B3GALT1: variants seen among roughly 807,000 people sequenced by gnomAD.
The protein encoded by B3GALT1 is UDP-Gal:betaGlcNAc beta 1,3-galactosyltransferase, polypeptide 1.
In B3GALT1, 10 loss-of-function variants were observed where a neutral mutation model predicts 23.2. The observed-to-expected ratio is 0.43, with a 90% CI of 0.27 to 0.73. The LOEUF (loss-of-function observed/expected upper bound fraction) is 0.73, where lower values mean the gene tolerates loss of function less well. Among genes scored for constraint, B3GALT1 ranks in the 30% least tolerant of loss-of-function variants. B3GALT1 has a pLI of 0.21. For synonymous variants in B3GALT1, 156 were observed against 141.5 expected (o/e 1.10, Z -0.73); for missense variants, 299 against 405.4 (o/e 0.74, Z 2.25).
At chr2:167,775,613 A>T (rs969451761) in intron 3 of B3GALT1, among the ~76,000 whole-genome samples, 4 of 151,630 alleles carry the variant, frequency 2.6e-5, no homozygotes, top group African/African-American at 9.7e-5. Context: ...TGAAATGGTT[A>T]TGATGATATA....
At chr2:167,487,999 T>TA (rs1341807714) in intron 1 of B3GALT1, among the ~76,000 whole-genome samples, 1 of 152,138 alleles carries the variant, frequency 6.6e-6, no homozygotes, top group Non-Finnish European at 1.5e-5. Flanking sequence ...TGGACAGCTG[T>TA]ATATGTAAAA....
intron 3 of B3GALT1, among the ~76,000 whole-genome samples, chr2:167,689,922 A>G (rs1686682594): frequency 6.6e-6 from 1 of 152,188 alleles, no homozygotes; most frequent in Non-Finnish European, 1.5e-5. Flanking sequence ...ATTACTTGAT[A>G]TTGAAAAGGC....
At chr2:167,463,596 T>C (rs1275415505) in intron 1 of B3GALT1, among the ~76,000 whole-genome samples, 1 of 152,168 alleles carries the variant, frequency 6.6e-6, no homozygotes, top group Non-Finnish European at 1.5e-5. Flanking sequence ...TTCACATACC[T>C]ATATGATAAA....
At chr2:167,489,848 G>T (rs553789607) in intron 1 of B3GALT1, among the ~76,000 whole-genome samples, 1 of 152,220 alleles carries the variant, frequency 6.6e-6, no homozygotes, top group African/African-American at 2.4e-5. Context: ...AAGTGAGACC[G>T]CAGAATAAAA....
intron 2 of B3GALT1, among the ~76,000 whole-genome samples, chr2:167,594,484 T>C (rs956538836): frequency 1.3e-5 from 2 of 152,228 alleles, no homozygotes; most frequent in African/African-American, 4.8e-5. Context: ...TTATGTGGCA[T>C]GACTAAACTG....
At chr2:167,351,704 G>A (rs1374175063) in intron 1 of B3GALT1, among the ~76,000 whole-genome samples, 1 of 152,072 alleles carries the variant, frequency 6.6e-6, no homozygotes. Context: ...GAATTTAAAG[G>A]GACTGAAACA....
chr2:167,600,118 C>T (rs548160726), intron 2 of B3GALT1, among the ~76,000 whole-genome samples: 5 of 152,086 alleles, frequency 3.3e-5, no homozygotes, highest in African/African-American at 1.2e-4. Flanking sequence ...ATATAAATCC[C>T]TAAAAAGAGG....
At chr2:167,509,473 T>G (rs1254494979) in intron 2 of B3GALT1, among the ~76,000 whole-genome samples, 1 of 152,050 alleles carries the variant, frequency 6.6e-6, no homozygotes, top group Non-Finnish European at 1.5e-5. Flanking sequence ...ACTACATAGG[T>G]ATTTTAAAGG....
rs901072891 is a variant in B3GALT1 at position 167,555,805 on chromosome 2, G to A, written c.-410+65528G>A. 3.0e-4 allele frequency among the ~76,000 whole-genome samples: 45 copies of A among 152,102 alleles called. 1 individual carries two copies. The highest frequency in any genetic ancestry group is 2.9e-3 in the Admixed American group (44 of 15,262). On this transcript the variant is annotated intron_variant, in intron 2 of 4. Transcript: ENST00000392690. ...GCGTGTTAATATATCCTATTTCCTT[G>A]GGGAATGCACTAAGGATGAAAGGAG...
intron 3 of B3GALT1, among the ~76,000 whole-genome samples, chr2:167,749,081 G>A (rs541590594): frequency 6.6e-6 from 1 of 152,160 alleles, no homozygotes; most frequent in African/African-American, 2.4e-5. Flanking sequence ...GCCAAGGGTT[G>A]GCCTTAGAAC....
At chr2:167,431,986 A>G (rs1698714139) in intron 1 of B3GALT1, among the ~76,000 whole-genome samples, 1 of 152,180 alleles carries the variant, frequency 6.6e-6, no homozygotes, top group Non-Finnish European at 1.5e-5. Flanking sequence ...TGAACAAAGA[A>G]TTTACTCTTA....
chr2:167,655,158 C>T (rs1344860699), intron 3 of B3GALT1, among the ~76,000 whole-genome samples: 2 of 152,234 alleles, frequency 1.3e-5, no homozygotes, highest in East Asian at 1.9e-4. Context: ...TTGAATGCAG[C>T]ACAAATTATT....
chr2:167,869,861 G>A lies in B3GALT1; in HGVS notation c.822G>A (p.Lys274=). ...EDVYVGLCLR[K]LGIHPFQNSG... is the part of the protein sequence containing the mutation. ...TATATGTGGGACTGTGTCTTCGAAA[G>A]CTGGGCATACATCCTTTCCAGAACA... is the stretch of plus-strand genomic sequence containing the variant. The change falls in exon 5 of 5, where the codon AAG becomes AAA. Residue 274 remains lysine (K), a synonymous_variant. Transcript: ENST00000392690. This position sits in a 1 kb window ranked among gnomAD's most constrained non-coding sequence, Gnocchi z 6.4. The A allele has an allele frequency of 6.2e-7, 1 of 1,614,158 alleles. No individual in the cohort carries two copies. Among genetic ancestry groups the A allele is most frequent in the Non-Finnish European group, 8.5e-7 (1 of 1,180,032 alleles).
intron 2 of B3GALT1, among the ~76,000 whole-genome samples, chr2:167,642,637 C>A (rs1268282959): frequency 6.6e-6 from 1 of 152,096 alleles, no homozygotes; most frequent in African/African-American, 2.4e-5. Context: ...AGCACTTTGG[C>A]ACTTCATCTC....
At chr2:167,393,041 T>C (rs970897100) in intron 1 of B3GALT1, among the ~76,000 whole-genome samples, 2 of 152,078 alleles carry the variant, frequency 1.3e-5, no homozygotes, top group Non-Finnish European at 2.9e-5. Context: ...AAGACCATCC[T>C]GGCTAACACG....
intron 2 of B3GALT1, among the ~76,000 whole-genome samples, chr2:167,633,065 A>ATTTC: frequency 6.6e-6 from 1 of 151,918 alleles, no homozygotes; most frequent in Admixed American, 6.6e-5. Context: ...TCCTTTCCCC[A>ATTTC]TTGTTTGAAA....
chr2:167,831,580 C>T (rs111894022), intron 4 of B3GALT1, among the ~76,000 whole-genome samples: 85 of 151,678 alleles, frequency 5.6e-4, no homozygotes, highest in African/African-American at 1.7e-3. Context: ...AGTGGTGCAG[C>T]GGGAAGAAAT....
At chr2:167,531,018 T>C (rs763586891) in intron 2 of B3GALT1, among the ~76,000 whole-genome samples, 4 of 152,202 alleles carry the variant, frequency 2.6e-5, no homozygotes, top group Non-Finnish European at 5.9e-5. Context: ...TCAAGTACTT[T>C]AGGGTTTTTA....
At chr2:167,855,294 T>C (rs1446503) in intron 4 of B3GALT1, among the ~76,000 whole-genome samples, 1,576 of 152,270 alleles carry the variant, frequency 0.01, 48 homozygotes, top group Admixed American at 0.072. Flanking sequence ...ATATGGTGTA[T>C]AGACCTACAT....
Sources: gnomAD v4.1 joint callset for allele counts (sites outside exome capture counted in the v4.1 genomes callset) on GRCh38, gnomAD v4.1.1 for gene constraint, Gnocchi (gnomAD v3.1) non-coding constraint, MANE v1.5 for transcripts, NCBI Gene and HGNC (gene_info 2026-07-23, HGNC 2026-07-21) for gene names.